The following CYP7B1 variants were observed in gnomAD, a reference collection of about 807,000 sequenced individuals.
CYP7B1 encodes the protein cytochrome P450 7B1.
In CYP7B1, 29 loss-of-function variants were observed where a neutral mutation model predicts 42.7. The ratio of observed to expected loss-of-function variants is 0.68; its 90% CI spans 0.51 to 0.93. The LOEUF is 0.93. Among genes scored for constraint, CYP7B1 ranks in the 40% least tolerant of loss-of-function variants. The pLI, the probability that CYP7B1 is intolerant of heterozygous loss-of-function variation, is 0.00. For synonymous variants in CYP7B1, 235 were observed against 218.2 expected, an observed-to-expected ratio of 1.08 and a Z score of -0.68; for missense variants, 655 against 600.5, an observed-to-expected ratio of 1.09 and a Z score of -0.95.
intron 1 of CYP7B1, among the ~76,000 whole-genome samples, chr8:64,786,420 C>G (rs557871253): frequency 4.5e-4 from 69 of 152,184 alleles, no homozygotes; most frequent in Non-Finnish European, 8.2e-4. Flanking sequence ...AACAAAGGAG[C>G]TATGGGCCCC....
At chr8:64,679,137 C>G (rs1022403345) in intron 1 of CYP7B1, among the ~76,000 whole-genome samples, 1 of 152,152 alleles carries the variant, frequency 6.6e-6, no homozygotes, top group African/African-American at 2.4e-5. Flanking sequence ...GATGGTCAGA[C>G]AGCATGCTAG....
intron 2 of CYP7B1, among the ~76,000 whole-genome samples, chr8:64,620,416 T>C (rs1332421571): frequency 6.6e-6 from 1 of 152,154 alleles, no homozygotes; most frequent in African/African-American, 2.4e-5. Flanking sequence ...CAGTGGTGCT[T>C]TGCTGGGGTG....
At chr8:64,680,035 G>C (rs1025641259) in intron 1 of CYP7B1, among the ~76,000 whole-genome samples, 11 of 151,922 alleles carry the variant, frequency 7.2e-5, no homozygotes, top group Admixed American at 3.9e-4. Context: ...TTGAAACTTT[G>C]TACCCTTTGA....
chr8:64,600,927 G>A (rs1184448505), intron 5 of CYP7B1, among the ~76,000 whole-genome samples: 1 of 152,124 alleles, frequency 6.6e-6, no homozygotes, highest in Non-Finnish European at 1.5e-5. Flanking sequence ...TGTAGGGGAA[G>A]GGACCTTTTT....
intron 1 of CYP7B1, among the ~76,000 whole-genome samples, chr8:64,742,927 T>C (rs2129633308): frequency 6.6e-6 from 1 of 152,340 alleles, no homozygotes; most frequent in Non-Finnish European, 1.5e-5. Flanking sequence ...TTTTCATTTC[T>C]AAATGCTAGG....
chr8:64,793,341 CATCTT>C (rs1043977208), intron 1 of CYP7B1, among the ~76,000 whole-genome samples: 4 of 151,956 alleles, frequency 2.6e-5, no homozygotes, highest in Non-Finnish European at 5.9e-5. Context: ...AGAATTTAAA[CATCTT>C]ATATTTATTT....
At position 64,615,185 on chromosome 8, in the gene CYP7B1, T is replaced by C. The variant is rs749129791; in HGVS notation, c.898A>G (p.Thr300Ala). The change falls in exon 4 of 6, where the codon ACT becomes GCT. Residue 300 changes from threonine to alanine, a missense_variant. By Grantham distance (58) the Thr-to-Ala change is moderately conservative. Coordinates refer to ENST00000310193, the MANE Select transcript of CYP7B1 (RefSeq NM_004820.5). ...LWASVANTIP[T>A]MFWAMYYLLR... ...AGATAATACATTGCCCAGAACATAG[T>C]TGGAATAGTGTTTGCCACAGAGGCC... 5.6e-6 allele frequency: 9 copies of C among 1,613,362 alleles called. No individual in the cohort carries two copies. In the Admixed American group the frequency reaches 1.2e-4, roughly 21 times the overall value.
chr8:64,753,928 T>G (rs1472624202), intron 1 of CYP7B1, among the ~76,000 whole-genome samples: 1 of 152,180 alleles, frequency 6.6e-6, no homozygotes, highest in African/African-American at 2.4e-5. Context: ...CCAGTGTGGT[T>G]GGTGCTCATA....
intron 1 of CYP7B1, among the ~76,000 whole-genome samples, chr8:64,754,717 G>T (rs182758120): frequency 1.3e-5 from 2 of 152,180 alleles, no homozygotes; most frequent in African/African-American, 4.8e-5. Flanking sequence ...GGCCTTGACA[G>T]TAGTCTGAAC....
rs1806975598 is a variant in CYP7B1, at chr8:64,705,154, T to A, written c.123-80615A>T. Among the ~76,000 whole-genome samples, 2 of 151,876 alleles carry A rather than the reference T, an allele frequency of 1.3e-5. 1 individual carries two copies. Among genetic ancestry groups the A allele is most frequent in the South Asian group, 4.2e-4 (2 of 4,816 alleles). On this transcript the variant is annotated intron_variant, in intron 1 of 5. Transcript: ENST00000310193. ...GGCCAAGTGTATCAGGTGGGTTGTA[T>A]CTTATCACTCTGATATGTTAGGGCG... is the stretch of plus-strand genomic sequence containing the variant.
chr8:64,785,632 C>T (rs1000486795), intron 1 of CYP7B1, among the ~76,000 whole-genome samples: 3 of 151,774 alleles, frequency 2.0e-5, no homozygotes, highest in Non-Finnish European at 2.9e-5. Context: ...TGACTCCAAC[C>T]ATATGACATT....
intron 2 of CYP7B1, 129 bp from the exon 3 acceptor site, chr8:64,616,410 C>G (rs925645765): frequency 1.5e-6 from 1 of 675,070 alleles, no homozygotes; most frequent in African/African-American, 1.8e-5. Flanking sequence ...AAGTTTAATA[C>G]AAATCCATTT....
At chr8:64,648,880 C>G (rs1805993974) in intron 1 of CYP7B1, among the ~76,000 whole-genome samples, 1 of 152,142 alleles carries the variant, frequency 6.6e-6, no homozygotes, top group African/African-American at 2.4e-5. Context: ...TCCAAAGTGA[C>G]CTGAGGTCTA....
At chr8:64,782,206 T>C (rs759772952) in intron 1 of CYP7B1, among the ~76,000 whole-genome samples, 2 of 151,286 alleles carry the variant, frequency 1.3e-5, no homozygotes, top group Admixed American at 1.3e-4. Flanking sequence ...CGACTTCACA[T>C]ACACAAATTG....
chr8:64,721,885 A>G (rs1044661351), intron 1 of CYP7B1, among the ~76,000 whole-genome samples: 7 of 152,212 alleles, frequency 4.6e-5, no homozygotes, highest in African/African-American at 1.7e-4. Flanking sequence ...AATAAGTCAA[A>G]AGAATCTGTA....
chr8:64,617,152 A>G (rs1475347874), intron 2 of CYP7B1, among the ~76,000 whole-genome samples: 4 of 152,166 alleles, frequency 2.6e-5, no homozygotes, highest in African/African-American at 9.6e-5. Flanking sequence ...GATGACATTT[A>G]CCTTTTCAAC....
chr8:64,705,231 G>C lies in CYP7B1; in HGVS notation c.123-80692C>G, dbSNP rs187176129. ...ATAATCTGCATAATTCAAAAAGGTG[G>C]GGGGGGGAATCACCACCTTTTCATA... On this transcript the variant is annotated intron_variant, in intron 1 of 5. Transcript: ENST00000310193. 9.7e-3 allele frequency among the ~76,000 whole-genome samples: 1,475 copies of C among 151,376 alleles called. 41 individuals carry two copies. The highest frequency in any genetic ancestry group is 0.078 in the East Asian group (401 of 5,158).
chr8:64,618,258 A>G (rs1381662190), intron 2 of CYP7B1, among the ~76,000 whole-genome samples: 1 of 152,016 alleles, frequency 6.6e-6, no homozygotes, highest in East Asian at 1.9e-4. Context: ...GTATTTTCAC[A>G]GGTGGTGATT....
chr8:64,778,969 G>A (rs903596316), intron 1 of CYP7B1, among the ~76,000 whole-genome samples: 1 of 152,112 alleles, frequency 6.6e-6, no homozygotes, highest in Admixed American at 6.5e-5. Flanking sequence ...TCTAGTGCAA[G>A]AAGGAGACAG....
Sources: allele counts gnomAD v4.1 joint callset (sites outside exome capture counted in the v4.1 genomes callset), GRCh38; gene constraint gnomAD v4.1.1; transcripts MANE v1.5; gene names NCBI Gene and HGNC (gene_info 2026-07-23, HGNC 2026-07-21).